The following CACNA1C variants were observed in gnomAD, a reference collection of about 807,000 sequenced individuals.
The protein encoded by CACNA1C is voltage-dependent L-type calcium channel subunit alpha-1C.
CACNA1C carries 30 observed loss-of-function variants against 229.0 expected under a neutral mutation model. The observed-to-expected ratio is 0.13, with a 90% CI of 0.10 to 0.18. CACNA1C has a LOEUF of 0.18. Ranked by LOEUF, CACNA1C falls within the 10% of genes least tolerant of loss-of-function variation. The pLI, the probability that CACNA1C is intolerant of heterozygous loss-of-function variation, is 1.00. For missense variants in CACNA1C, 1,658 were observed against 2,845.0 expected (o/e 0.58, Z 9.49); for synonymous variants, 1,114 against 1,132.5 (o/e 0.98, Z 0.33).
chr12:2,313,615 A>G (rs2095543068), intron 3 of CACNA1C, among the ~76,000 whole-genome samples: 1 of 152,198 alleles, frequency 6.6e-6, no homozygotes, highest in Non-Finnish European at 1.5e-5. Flanking sequence ...ACATTGATTC[A>G]GAGATTGGGG....
At chr12:2,200,314 C>T (rs1412642434) in intron 3 of CACNA1C, among the ~76,000 whole-genome samples, 1 of 152,144 alleles carries the variant, frequency 6.6e-6, no homozygotes, top group East Asian at 1.9e-4. Flanking sequence ...GAGTGTTTAC[C>T]AAGTGTCAGG....
chr12:2,178,845 C>G (rs1052111469), intron 3 of CACNA1C, among the ~76,000 whole-genome samples: 3 of 152,054 alleles, frequency 2.0e-5, no homozygotes, highest in Admixed American at 6.5e-5. Context: ...GCAGATCACC[C>G]GAGGTCAGGA....
chr12:2,509,583 G>A (rs939601407), intron 8 of CACNA1C, among the ~76,000 whole-genome samples: 3 of 152,160 alleles, frequency 2.0e-5, no homozygotes, highest in African/African-American at 7.2e-5. Flanking sequence ...ACCGTAACTC[G>A]CACCTGCGTG....
At chr12:2,557,113 C>G (rs1184456841) in intron 11 of CACNA1C, 136 bp downstream of exon 11, 2 of 671,902 alleles carry the variant, frequency 3.0e-6, no homozygotes, top group Non-Finnish European at 5.3e-6. Context: ...TAACTACTTT[C>G]TGTATGGCCA....
chr12:2,624,517 C>G (rs1225738706), intron 29 of CACNA1C, among the ~76,000 whole-genome samples: 1 of 152,216 alleles, frequency 6.6e-6, no homozygotes, highest in African/African-American at 2.4e-5. Context: ...CCTCACTAAC[C>G]TGGAATATTC....
chr12:2,055,332 C>T (rs1252503763), intron 1 of CACNA1C, among the ~76,000 whole-genome samples: 2 of 152,166 alleles, frequency 1.3e-5, no homozygotes, highest in Non-Finnish European at 2.9e-5. Flanking sequence ...CTTTACCCAC[C>T]TCCTCAGTCT....
In CACNA1C at chr12:2,493,162, G is replaced by A. The variant is rs773675244; in HGVS notation, c.917-28G>A. The A allele has an allele frequency of 2.6e-5, 41 of 1,598,058 alleles. No homozygotes were observed. Among genetic ancestry groups the A allele is most frequent in the East Asian group, 4.5e-5 (2 of 44,668 alleles). ...ACATCTCTCCCTCCCTGCTGCTCCC[G>A]TCTCCTGTCTTCTTCTGGCCATTTG... On this transcript the variant is annotated intron_variant, in intron 6 of 46. Coordinates refer to ENST00000399655, the MANE Select transcript of CACNA1C (RefSeq NM_000719.7). This position sits in a 1 kb window ranked among gnomAD's most constrained non-coding sequence, Gnocchi z 4.6.
intron 4 of CACNA1C, among the ~76,000 whole-genome samples, chr12:2,453,025 G>T (rs1490354726): frequency 6.6e-6 from 1 of 152,154 alleles, no homozygotes; most frequent in East Asian, 1.9e-4. Context: ...CCATCAAGTT[G>T]CCAGGCTGAG....
chr12:2,386,560 C>T (rs533416776), intron 3 of CACNA1C, among the ~76,000 whole-genome samples: 15 of 152,318 alleles, frequency 9.8e-5, no homozygotes, highest in African/African-American at 3.1e-4. Flanking sequence ...TGGCAAGCAC[C>T]TGTTCATCTT....
At chr12:2,377,836 T>C (rs1167081253) in intron 3 of CACNA1C, among the ~76,000 whole-genome samples, 1 of 152,168 alleles carries the variant, frequency 6.6e-6, no homozygotes, top group East Asian at 1.9e-4. Flanking sequence ...TCTCCATGAT[T>C]TCTGAAGAAC....
intron 3 of CACNA1C, among the ~76,000 whole-genome samples, chr12:2,174,460 A>G (rs574927932): frequency 2.6e-5 from 4 of 152,346 alleles, no homozygotes; most frequent in Admixed American, 2.6e-4. Flanking sequence ...AAAATTTCAA[A>G]TGTAATCAAA....
At chr12:2,675,679 C>T (rs773921440) in intron 39 of CACNA1C, among the ~76,000 whole-genome samples, 7 of 152,182 alleles carry the variant, frequency 4.6e-5, no homozygotes, top group Non-Finnish European at 7.3e-5. Context: ...GTGTTAAAAC[C>T]ATGCAAAACA....
intron 13 of CACNA1C, among the ~76,000 whole-genome samples, chr12:2,573,903 C>A (rs1439495893): frequency 6.6e-6 from 1 of 152,142 alleles, no homozygotes; most frequent in Non-Finnish European, 1.5e-5. Flanking sequence ...GAGCAGATGT[C>A]TTTGATATAT....
chr12:2,137,017 C>G (rs887547023), intron 3 of CACNA1C, among the ~76,000 whole-genome samples: 1 of 151,466 alleles, frequency 6.6e-6, no homozygotes, highest in Non-Finnish European at 1.5e-5. Context: ...CCAGTCAGTA[C>G]TGGTGGTTGG....
intron 3 of CACNA1C, among the ~76,000 whole-genome samples, chr12:2,240,240 C>T (rs11612837): frequency 0.046 from 6,978 of 152,284 alleles, 195 homozygotes; most frequent in Middle Eastern, 0.068. Flanking sequence ...AGCTGACATG[C>T]AGTTTCCCCT....
intron 1 of CACNA1C, among the ~76,000 whole-genome samples, chr12:1,984,513 C>T (rs1160020058): frequency 6.6e-6 from 1 of 151,768 alleles, no homozygotes; most frequent in Non-Finnish European, 1.5e-5. Context: ...GTCCATTTAC[C>T]CTCTCTTTTT....
chr12:2,298,849 C>G (rs2094319850), intron 3 of CACNA1C, among the ~76,000 whole-genome samples: 2 of 152,296 alleles, frequency 1.3e-5, no homozygotes, highest in Admixed American at 6.5e-5. Flanking sequence ...CCCAGCCCAC[C>G]CTTCTGTGCC....
rs960641802 is a variant in CACNA1C, at chr12:2,608,793, C to T, written c.3558+81C>T. 11 of 1,410,160 alleles carry T rather than the reference C, an allele frequency of 7.8e-6. No individual in the cohort carries two copies. Among genetic ancestry groups the T allele is most frequent in the South Asian group, 1.2e-5 (1 of 81,088 alleles). The allele number at this position is 1,410,160 out of a possible 1,614,324, so 87.4% of individuals were successfully genotyped here. A position where few individuals can be genotyped will look rare whatever the true frequency, so the allele number is the denominator to read the frequency against. The stretch of plus-strand genomic sequence containing the variant: ...TGCGGCCCACCCCGCAGAGGGGCTG[C>T]GACAGGGAGAGGCCGTGCAGATACT... On this transcript the variant is annotated intron_variant, in intron 27 of 46. Transcript: ENST00000399655. The surrounding 1 kb of genome is among the most constrained non-coding windows in gnomAD (Gnocchi z 4.2).
intron 10 of CACNA1C, among the ~76,000 whole-genome samples, chr12:2,554,851 C>T (rs999902585): frequency 1.7e-4 from 26 of 152,234 alleles, no homozygotes; most frequent in Non-Finnish European, 3.2e-4. Flanking sequence ...TCCTCCCCTT[C>T]GCAAGGAGTG....
Sources: allele counts gnomAD v4.1 joint callset (sites outside exome capture counted in the v4.1 genomes callset), GRCh38; gene constraint gnomAD v4.1.1; non-coding constraint Gnocchi (gnomAD v3.1); transcripts MANE v1.5; gene names NCBI Gene and HGNC (gene_info 2026-07-23, HGNC 2026-07-21).